NIN: variants seen among roughly 807,000 people sequenced by gnomAD.
NIN encodes the protein glycogen synthase kinase 3 beta-interacting protein.
In NIN, 137 loss-of-function variants were observed where a neutral mutation model predicts 257.6. The observed-to-expected ratio is 0.53, with a 90% CI of 0.46 to 0.61. NIN has a LOEUF of 0.61. Ranked by LOEUF, NIN falls within the 20% of genes least tolerant of loss-of-function variation. NIN has a pLI of 0.00. For missense variants in NIN, 2,439 were observed against 2,501.2 expected, an observed-to-expected ratio of 0.98 and a Z score of 0.53; for synonymous variants, 918 against 919.8, an observed-to-expected ratio of 1.00 and a Z score of 0.04.
intron 3 of NIN, among the ~76,000 whole-genome samples, chr14:50,809,317 C>T (rs563127135): frequency 1.3e-5 from 2 of 152,116 alleles, no homozygotes; most frequent in African/African-American, 2.4e-5. Context: ...GTGGGGGCGG[C>T]GGCAGGGAGG....
rs778993218 is a variant in NIN, at chr14:50,770,394, A to C, written c.1428T>G (p.Ser476=). The part of the protein sequence containing the change: ...ENYIRDRLAL[S]LKENSRLENE... ...GAACTAATAAGATGATTACCTTTAAAGAGAGGGCAAGGCGGTCCCGGATAT... is the reference window on the plus strand; with the variant it reads ...GAACTAATAAGATGATTACCTTTAACGAGAGGGCAAGGCGGTCCCGGATAT... The change falls in exon 12 of 31, where the codon TCT becomes TCG. Residue 476 remains serine (S), a synonymous_variant. Transcript: ENST00000530997. 6.2e-7 allele frequency: 1 copy of C among 1,614,064 alleles called. No homozygotes were observed. Among genetic ancestry groups the C allele is most frequent in the South Asian group, 1.1e-5 (1 of 91,070 alleles).
chr14:50,737,651 T>G (rs574789204), intron 27 of NIN, among the ~76,000 whole-genome samples: 3,929 of 149,960 alleles, frequency 0.026, 177 homozygotes, highest in African/African-American at 0.09. Flanking sequence ...TTGTTGTTTT[T>G]TTTTTTTTTT....
chr14:50,779,133 G>C (rs571901503), intron 5 of NIN, among the ~76,000 whole-genome samples: 1 of 152,268 alleles, frequency 6.6e-6, no homozygotes, highest in Admixed American at 6.5e-5. Context: ...CAACCAACAA[G>C]TATCTGTACA....
Position 50,758,080 on chromosome 14 carries a change from T to C in NIN, c.2950A>G (p.Met984Val). The change falls in exon 18 of 31, where the codon ATG becomes GTG. Residue 984 changes from methionine (M) to valine (V), a missense_variant. Met to Val is a conservative substitution (Grantham distance 21). Coordinates refer to ENST00000530997, the MANE Select transcript of NIN (RefSeq NM_020921.4). ...MEHDQERQEM[M>V]SKLLAMENIH... ...TTCTCCATGGCTAGAAGCTTGGACATCATTTCCTGCCTTTCCTGGTCATGT... is the reference window on the plus strand; with the variant it reads ...TTCTCCATGGCTAGAAGCTTGGACACCATTTCCTGCCTTTCCTGGTCATGT... 6.2e-7 allele frequency: 1 copy of C among 1,614,210 alleles called. No individual in the cohort carries two copies. The highest frequency in any genetic ancestry group is 1.3e-5 in the African/African-American group (1 of 75,056).
At chr14:50,735,453 C>A (rs2140420940) in intron 28 of NIN, 63 bp downstream of exon 28, 1 of 1,572,878 alleles carries the variant, frequency 6.4e-7, no homozygotes. Context: ...TCTCTCCCAA[C>A]AAATACCTCA....
At chr14:50,723,734 T>G in intron 30 of NIN, 62 bp from the exon 31 acceptor site, 1 of 1,441,678 alleles carries the variant, frequency 6.9e-7, no homozygotes. Flanking sequence ...ACCTTCAGTT[T>G]AAGGTCTGAC....
At chr14:50,821,112 T>C (rs1322474536) in intron 3 of NIN, among the ~76,000 whole-genome samples, 1 of 152,192 alleles carries the variant, frequency 6.6e-6, no homozygotes, top group African/African-American at 2.4e-5. Context: ...CTCAAAGCCA[T>C]ATAAACCTAT....
intron 12 of NIN, 78 bp downstream of exon 12, chr14:50,770,310 T>G: frequency 7.1e-7 from 1 of 1,417,934 alleles, no homozygotes; most frequent in Non-Finnish European, 9.7e-7. Context: ...TGTGCAAACA[T>G]GCCCACTTCC....
In NIN at chr14:50,729,718, C is replaced by T; in HGVS notation, c.5883G>A (p.Gln1961=). The T allele has an allele frequency of 6.3e-7, 1 of 1,598,472 alleles. No individual in the cohort carries two copies. Among genetic ancestry groups the T allele is most frequent in the East Asian group, 2.2e-5 (1 of 44,658 alleles). ...TAGGCGTCGCAGTGGACCTCAGGTG[C>T]TGCATCTGAAGGACAAGGGCAAAGC... ...VKLDEQLMEM[Q]HLRSTATPSP... Residue 1961 remains glutamine, a synonymous_variant, in exon 29 of 31, where the codon CAG becomes CAA. Coordinates refer to ENST00000530997, the MANE Select transcript of NIN (RefSeq NM_020921.4).
At chr14:50,731,741 G>A (rs1052957874) in intron 28 of NIN, among the ~76,000 whole-genome samples, 3 of 152,080 alleles carry the variant, frequency 2.0e-5, no homozygotes, top group African/African-American at 7.2e-5. Context: ...CAGAAGAATC[G>A]CTCGAATCCG....
In NIN at chr14:50,720,154, CATG is replaced by C. The variant is rs2040243881; in HGVS notation, c.*3306_*3308del. The stretch of plus-strand genomic sequence containing the variant: ...GCTGAGAGGTCCAGATAGGTCCAAA[CATG>C]ATGATTTTTAAATGAGTGCTTTGGT... On this transcript the variant is annotated 3_prime_UTR_variant, in exon 31 of 31. Coordinates refer to ENST00000530997, the MANE Select transcript of NIN (RefSeq NM_020921.4). 4.5e-6 allele frequency: 1 copy of C among 222,496 alleles called. No homozygotes were observed. The highest frequency in any genetic ancestry group is 9.0e-6 in the Non-Finnish European group (1 of 111,444). The allele number at this position is 222,496 out of a possible 1,614,324, so 13.8% of individuals were successfully genotyped here.
chr14:50,727,540 G>C, intron 29 of NIN: 2 of 1,261,046 alleles, frequency 1.6e-6, no homozygotes, highest in Non-Finnish European at 2.0e-6. Flanking sequence ...ATACTGCAAA[G>C]GTTTAACAGT....
intron 12 of NIN, among the ~76,000 whole-genome samples, chr14:50,767,793 G>A (rs1440755179): frequency 6.7e-6 from 1 of 150,140 alleles, no homozygotes; most frequent in South Asian, 2.1e-4. Flanking sequence ...CTCCAGCCTG[G>A]GCGACACAGC....
chr14:50,738,020 G>A, intron 27 of NIN, 120 bp downstream of exon 27: 1 of 963,142 alleles, frequency 1.0e-6, no homozygotes. Flanking sequence ...AGCATAAAGA[G>A]ATACATGCCA....
chr14:50,795,789 T>C (rs1225161750), intron 4 of NIN, among the ~76,000 whole-genome samples: 1 of 152,192 alleles, frequency 6.6e-6, no homozygotes, highest in African/African-American at 2.4e-5. Flanking sequence ...ATGAAATGCC[T>C]GGCCAATATG....
At chr14:50,823,058 T>C in intron 2 of NIN, 1 of 399,574 alleles carries the variant, frequency 2.5e-6, no homozygotes, top group South Asian at 2.0e-5. Context: ...GTCCTTAGGA[T>C]CAGTAAAAAC....
chr14:50,822,123 G>C, intron 2 of NIN, 46 bp from the exon 3 acceptor site: 1 of 1,420,934 alleles, frequency 7.0e-7, no homozygotes, highest in South Asian at 1.3e-5. Flanking sequence ...AGCCTCTCCA[G>C]TCCTACCGTG....
At chr14:50,802,709 T>C (rs2044151688) in intron 4 of NIN, among the ~76,000 whole-genome samples, 1 of 149,568 alleles carries the variant, frequency 6.7e-6, no homozygotes, top group African/African-American at 2.4e-5. Context: ...AAGGATTTTA[T>C]GTATTTTTTC....
In NIN at chr14:50,723,113, C is replaced by A; in HGVS notation, c.*350G>T. On this transcript the variant is annotated 3_prime_UTR_variant, in exon 31 of 31. Coordinates refer to ENST00000530997, the MANE Select transcript of NIN (RefSeq NM_020921.4). ...TCATCAGATCTCAAACTTCAAATAT[C>A]TAGATTTTACACATAGATTTGTAAT... The A allele has an allele frequency of 4.2e-6, 1 of 239,874 alleles. No homozygotes were observed. The highest frequency in any genetic ancestry group is 2.2e-5 in the African/African-American group (1 of 44,746). 14.9% of individuals were successfully genotyped at this position (239,874 alleles called of 1,614,324 possible).
Sources: allele counts gnomAD v4.1 joint callset (sites outside exome capture counted in the v4.1 genomes callset), GRCh38; gene constraint gnomAD v4.1.1; transcripts MANE v1.5; gene names NCBI Gene and HGNC (gene_info 2026-07-23, HGNC 2026-07-21).